The following FAM53A variants were observed in gnomAD, a reference collection of about 807,000 sequenced individuals.
FAM53A encodes the protein family with sequence similarity 53 member A.
Under a neutral mutation model 26.6 loss-of-function variants are expected in FAM53A, and 28 were observed. The ratio of observed to expected loss-of-function variants is 1.05; its 90% CI spans 0.78 to 1.45. The LOEUF is 1.45. FAM53A is among the 40% of genes most tolerant of loss of function. The pLI, the probability that FAM53A is intolerant of heterozygous loss-of-function variation, is 0.00. For missense variants in FAM53A, 650 were observed against 575.8 expected (o/e 1.13, Z -1.32); for synonymous variants, 290 against 253.1 (o/e 1.15, Z -1.38).
At chr4:1,594,354 G>T in the FAM53A span, among the ~76,000 whole-genome samples, 1 of 152,280 alleles carries the variant, frequency 6.6e-6, no homozygotes, top group East Asian at 1.9e-4. Flanking sequence ...CTTGTGGGGG[G>T]ACCCTGGGCA....
chr4:1,584,148 C>T, the FAM53A span, among the ~76,000 whole-genome samples: 7 of 152,184 alleles, frequency 4.6e-5, no homozygotes, highest in East Asian at 3.8e-4. Flanking sequence ...CATGGCCTAT[C>T]GAATTCTTTG....
chr4:1,660,197 C>T (rs564419077), intron 2 of FAM53A, among the ~76,000 whole-genome samples: 2 of 151,798 alleles, frequency 1.3e-5, no homozygotes, highest in African/African-American at 2.4e-5. Context: ...GCAGGGGAAT[C>T]GCGTGAACCC....
Position 1,641,362 on chromosome 4 carries a change from A to G in FAM53A, c.1128T>C (p.Ser376=), listed in dbSNP as rs1022202820. ...RSSGDPRDGD[S]VGEEGVFPRA... ...GGGGGAAGACGCCCTCCTCCCCGAC[A>G]CTGTCCCCATCACGGGGGTCCCCGC... is the stretch of plus-strand genomic sequence containing the variant. The change falls in exon 5 of 5, where the codon AGT becomes AGC. Residue 376 remains serine, a synonymous_variant. Coordinates refer to ENST00000308132, the MANE Select transcript of FAM53A (RefSeq NM_001174070.3). 6.2e-7 allele frequency: 1 copy of G among 1,611,214 alleles called. No homozygotes were observed. The highest frequency in any genetic ancestry group is 8.5e-7 in the Non-Finnish European group (1 of 1,179,248).
At chr4:1,635,607 AC>A (rs1221848582), downstream of FAM53A, among the ~76,000 whole-genome samples, 34 of 152,052 alleles carry the variant, frequency 2.2e-4, no homozygotes, top group Admixed American at 2.2e-3. Context: ...TAATACAGTC[AC>A]TGAGGACTGT....
At chr4:1,628,935 C>CTT in intron 1 of FAM53A, among the ~76,000 whole-genome samples, 1 of 151,958 alleles carries the variant, frequency 6.6e-6, no homozygotes, top group Admixed American at 6.5e-5. Context: ...GGCCTTGGAA[C>CTT]ACCTGAGTTT....
chr4:1,579,674 G>C, the FAM53A span, among the ~76,000 whole-genome samples: 1 of 152,212 alleles, frequency 6.6e-6, no homozygotes, highest in Non-Finnish European at 1.5e-5. Context: ...TTACGACTCA[G>C]AACGCCCAGG....
chr4:1,639,066 C>G (rs571234054), downstream of FAM53A, among the ~76,000 whole-genome samples: 1 of 152,322 alleles, frequency 6.6e-6, no homozygotes, highest in Non-Finnish European at 1.5e-5. Flanking sequence ...CTCTGACGCC[C>G]TCCCCGACCT....
chr4:1,594,512 T>C, the FAM53A span, among the ~76,000 whole-genome samples: 1 of 152,218 alleles, frequency 6.6e-6, no homozygotes, highest in Non-Finnish European at 1.5e-5. Context: ...CTCTTCTCTA[T>C]CTTCTTTTCA....
At chr4:1,656,512 A>G (rs906761480) in intron 3 of FAM53A, among the ~76,000 whole-genome samples, 31 of 151,754 alleles carry the variant, frequency 2.0e-4, no homozygotes, top group Non-Finnish European at 4.3e-4. Context: ...GGCTGTGGGG[A>G]GGAGACGTGG....
chr4:1,651,019 C>A (rs1407572417), intron 4 of FAM53A, among the ~76,000 whole-genome samples: 1 of 145,280 alleles, frequency 6.9e-6, no homozygotes, highest in African/African-American at 2.6e-5. Flanking sequence ...GAGTTCGAGA[C>A]CAGCCTGGCC....
rs371110616 is a variant in FAM53A, at chr4:1,643,405, G to C, written c.883-1798C>G. ...GGCGTGAACCCGGGAGGCGGAGCTT[G>C]CAGTGAGCCGAGATTGGGCCACTGC... On this transcript the variant is annotated intron_variant, in intron 4 of 4. Transcript: ENST00000308132. Among the ~76,000 whole-genome samples the C allele has an allele frequency of 3.6e-4, 54 of 152,052 alleles. No homozygotes were observed. In the East Asian group the frequency reaches 8.6e-3, roughly 24 times the overall value.
intron 1 of FAM53A, among the ~76,000 whole-genome samples, chr4:1,671,401 G>GCCACA (rs1714648325): frequency 1.8e-4 from 9 of 50,294 alleles, no homozygotes; most frequent in Admixed American, 5.2e-4. Context: ...TCACAGCCAC[G>GCCACA]GCCCGGACTC....
At chr4:1,603,146 C>T in the FAM53A span, among the ~76,000 whole-genome samples, 1 of 152,208 alleles carries the variant, frequency 6.6e-6, no homozygotes, top group Non-Finnish European at 1.5e-5. Context: ...GTGGGGCGAG[C>T]CGAGTAGCAA....
chr4:1,619,566 T>C (rs1714938361), intron 1 of FAM53A, among the ~76,000 whole-genome samples: 3 of 152,190 alleles, frequency 2.0e-5, no homozygotes, highest in Admixed American at 1.3e-4. Context: ...TGCTGGCCTA[T>C]CTCTGGGTCT....
chr4:1,643,283 G>A lies in FAM53A; in HGVS notation c.883-1676C>T, dbSNP rs950183922. On this transcript the variant is annotated intron_variant, in intron 4 of 4. Coordinates refer to ENST00000308132, the MANE Select transcript of FAM53A (RefSeq NM_001174070.3). Reference sequence around the variant, plus strand: ...AGATCAAGACCATCCTGGCTAACACGGTGAAGCCCCGTCTCTACTAAAAAT... The same window carrying A: ...AGATCAAGACCATCCTGGCTAACACAGTGAAGCCCCGTCTCTACTAAAAAT... 5.9e-5 allele frequency among the ~76,000 whole-genome samples: 9 copies of A among 152,080 alleles called. No homozygotes were observed. In the East Asian group the frequency reaches 7.8e-4, roughly 13 times the overall value.
the FAM53A span, among the ~76,000 whole-genome samples, chr4:1,599,253 G>A: frequency 8.6e-5 from 4 of 46,422 alleles, no homozygotes; most frequent in Non-Finnish European, 2.1e-4. The surrounding 1 kb of genome is among the most constrained non-coding windows in gnomAD (Gnocchi z 6.1). Flanking sequence ...AACCCTGCCT[G>A]GTACTTCACC....
intron 1 of FAM53A, among the ~76,000 whole-genome samples, chr4:1,623,369 T>C (rs1052938744): frequency 3.3e-5 from 5 of 150,518 alleles, no homozygotes; most frequent in Non-Finnish European, 4.4e-5. Flanking sequence ...GAGGAGGCTG[T>C]GGCAGCCTCA....
rs1365214907 is a variant in FAM53A at position 1,655,370 on chromosome 4, T to C, written c.490A>G (p.Ser164Gly). The stretch of plus-strand genomic sequence containing the variant: ...CTCCTCGGCAGGACGGCGCCGGGGC[T>C]TCCCTGCCGCGTGGCACTCCCGCCG... ...DSGGSATRQGSPGAVLPRSAV... is the reference protein window; with the variant it reads ...DSGGSATRQGGPGAVLPRSAV... Residue 164 changes from serine to glycine, a missense_variant, in exon 4 of 5, where the codon AGC (serine) becomes GGC (glycine). Ser to Gly is a moderately conservative substitution (Grantham distance 56). Coordinates refer to ENST00000308132, the MANE Select transcript of FAM53A (RefSeq NM_001174070.3). 4.8e-6 allele frequency: 7 copies of C among 1,443,690 alleles called. No individual in the cohort carries two copies. The highest frequency in any genetic ancestry group is 1.5e-5 in the South Asian group (1 of 67,960). The allele number at this position is 1,443,690 out of a possible 1,614,324, so 89.4% of individuals were successfully genotyped here. A position where few individuals can be genotyped will look rare whatever the true frequency, so the allele number is the denominator to read the frequency against.
At chr4:1,662,959 C>A (rs1713949805) in intron 2 of FAM53A, among the ~76,000 whole-genome samples, 1 of 152,120 alleles carries the variant, frequency 6.6e-6, no homozygotes, top group African/African-American at 2.4e-5. Flanking sequence ...CTCTGGGGGG[C>A]CGAGGCAGGC....
Sources: gnomAD v4.1 joint callset for allele counts (sites outside exome capture counted in the v4.1 genomes callset) on GRCh38, gnomAD v4.1.1 for gene constraint, Gnocchi (gnomAD v3.1) non-coding constraint, MANE v1.5 for transcripts, NCBI Gene and HGNC (gene_info 2026-07-23, HGNC 2026-07-21) for gene names.